ASB2: variants seen among roughly 807,000 people sequenced by gnomAD.
ASB2 encodes ankyrin repeat and SOCS box containing 2.
In ASB2, 58 loss-of-function variants were observed where a neutral mutation model predicts 62.4. The observed-to-expected ratio is 0.93, with a 90% confidence interval of 0.75 to 1.16. ASB2 has a LOEUF of 1.16. ASB2 is among the 50% of genes most tolerant of loss of function. The pLI, the probability that ASB2 is intolerant of heterozygous loss-of-function variation, is 0.00. For synonymous variants in ASB2, 386 were observed against 385.3 expected (o/e 1.00, Z -0.02); for missense variants, 928 against 887.9 (o/e 1.05, Z -0.57).
In ASB2 at chr14:93,954,411, C is replaced by T. The variant is rs1462350139; in HGVS notation, c.384G>A (p.Gly128=). Residue 128 remains glycine, a synonymous_variant, in exon 4 of 10, where the codon GGG becomes GGA. Transcript: ENST00000555019. ...CCTTGTTGGGCTCTGCGAGATTCTT[C>T]CCTTCCTTGATCATGGTCTTCAAGG... The part of the protein sequence containing the change: ...EEALKTMIKE[G]KNLAEPNKEG... The T allele has an allele frequency of 6.2e-7, 1 of 1,614,190 alleles. No individual in the cohort carries two copies. The highest frequency in any genetic ancestry group is 2.2e-5 in the East Asian group (1 of 44,886).
chr14:93,939,645 G>C lies in ASB2; in HGVS notation c.1080C>G (p.Thr360=). 1 of 1,513,942 alleles carries C rather than the reference G, an allele frequency of 6.6e-7. No homozygotes were observed. The highest frequency in any genetic ancestry group is 1.4e-5 in the African/African-American group (1 of 71,000). The allele number at this position is 1,513,942 out of a possible 1,614,324, so 93.8% of individuals were successfully genotyped here. The change falls in exon 8 of 10, where the codon ACC becomes ACG. Residue 360 remains threonine, a synonymous_variant. Coordinates refer to ENST00000555019, the MANE Select transcript of ASB2 (RefSeq NM_001202429.2). The part of the protein sequence containing the change: ...YRIVQMLLPV[T]SRTRIRRSGV... ...CGCTACGGCGTATGCGCGTGCGGCT[G>C]GTCACCGGCAGCAGCATCTGCACGA...
At chr14:93,939,970 C>T (rs537544789) in intron 7 of ASB2, 433 of 365,022 alleles carry the variant, frequency 1.2e-3, no homozygotes, top group Non-Finnish European at 1.6e-3. Flanking sequence ...AGACCCAGAA[C>T]CCTTGGCCTC....
In ASB2 at chr14:93,934,550, C is replaced by G; in HGVS notation, c.*106G>C. The G allele has an allele frequency of 1.7e-6, 2 of 1,202,470 alleles. No homozygotes were observed. The highest frequency in any genetic ancestry group is 2.4e-6 in the Non-Finnish European group (2 of 835,842). The allele number at this position is 1,202,470 out of a possible 1,614,324, so 74.5% of individuals were successfully genotyped here. ...CTGTCCAGGCTGAGAGGGAGGCAGCCTGCAGCCTCGTCTGTCACCAGGTCC... is the reference window on the plus strand; with the variant it reads ...CTGTCCAGGCTGAGAGGGAGGCAGCGTGCAGCCTCGTCTGTCACCAGGTCC... On this transcript the variant is annotated 3_prime_UTR_variant, in exon 10 of 10. Transcript: ENST00000555019.
Position 93,939,595 on chromosome 14 carries a change from G to A in ASB2, c.1130C>T (p.Ala377Val), listed in dbSNP as rs1329219379. 3 of 1,568,756 alleles carry A rather than the reference G, an allele frequency of 1.9e-6. No individual in the cohort carries two copies. Among genetic ancestry groups the A allele is most frequent in the East Asian group, 2.3e-5 (1 of 42,618 alleles). Residue 377 changes from alanine to valine, a missense_variant, in exon 8 of 10, where the codon GCC becomes GTC. Ala to Val is a moderately conservative substitution (Grantham distance 64, BLOSUM62 0). Transcript: ENST00000555019. ...RSGVSPLHLA[A>V]ERNHDEVLEA... ...CAGCACCTCGTCGTGGTTGCGCTCG[G>A]CCGCCAGGTGCAGCGGACTGACGCC...
At position 93,944,545 on chromosome 14, in the gene ASB2, C is replaced by T. The variant is rs74073598; in HGVS notation, c.1052+2804G>A. ...CCTATGGAATGTCACATCAAATCCC[C>T]GAGCAGAGGGCCTTTAATGCTGTAT... On this transcript the variant is annotated intron_variant, in intron 7 of 9. Transcript: ENST00000555019. Among the ~76,000 whole-genome samples, 499 of 152,306 alleles carry T rather than the reference C, an allele frequency of 3.3e-3. 2 individuals are homozygous for T. The highest frequency in any genetic ancestry group is 0.011 in the African/African-American group (470 of 41,566).
chr14:93,973,923 GCAGA>G (rs970653853), intron 1 of ASB2: 7 of 152,354 alleles, frequency 4.6e-5, no homozygotes, highest in Non-Finnish European at 8.8e-5. Flanking sequence ...TGTCCTTTGG[GCAGA>G]CAAAGACGGC....
At chr14:93,949,971 ACT>A in intron 6 of ASB2, among the ~76,000 whole-genome samples, 1 of 152,108 alleles carries the variant, frequency 6.6e-6, no homozygotes, top group Middle Eastern at 3.4e-3. Context: ...CGTGCTGCCG[ACT>A]CTCACAGGGT....
intron 7 of ASB2, among the ~76,000 whole-genome samples, chr14:93,945,515 C>T (rs923069959): frequency 1.3e-5 from 2 of 152,144 alleles, no homozygotes; most frequent in African/African-American, 4.8e-5. Flanking sequence ...ACTGGTCCTC[C>T]GACAACCCCA....
chr14:93,974,483 T>C (rs535245809), intron 1 of ASB2, among the ~76,000 whole-genome samples: 6 of 152,372 alleles, frequency 3.9e-5, no homozygotes, highest in African/African-American at 7.2e-5. Flanking sequence ...AGAGATATTT[T>C]TGTGCCTCCT....
Position 93,939,153 on chromosome 14 carries a change from C to G in ASB2, c.1572G>C (p.Arg524Ser), listed in dbSNP as rs540542265. The G allele has an allele frequency of 1.3e-6, 2 of 1,578,562 alleles. No homozygotes were observed. The highest frequency in any genetic ancestry group is 2.7e-5 in the African/African-American group (2 of 73,858). ...TGTCGGCCGCGGGCGCGTCGTTGAA[C>G]CTGCTGGAGGGCTGCGGGGCCGGCG... The part of the protein sequence containing the change: ...PHPPAPQPSS[R>S]FNDAPAADKE... Residue 524 changes from arginine (R) to serine (S), a missense_variant, in exon 8 of 10, where the codon AGG (arginine) becomes AGC (serine). Physicochemically the swap from Arg to Ser is moderately radical, Grantham distance 110. Coordinates refer to ENST00000555019, the MANE Select transcript of ASB2 (RefSeq NM_001202429.2).
intron 3 of ASB2, among the ~76,000 whole-genome samples, chr14:93,954,887 C>G (rs1223808624): frequency 6.6e-6 from 1 of 152,208 alleles, no homozygotes; most frequent in Non-Finnish European, 1.5e-5. Context: ...TCCAACTCCT[C>G]TCCTTGCCCT....
rs1889917404 is a variant in ASB2 at position 93,976,544 on chromosome 14, G to A, written c.-184C>T. 6.6e-6 allele frequency: 1 copy of A among 152,234 alleles called. No homozygotes were observed. The highest frequency in any genetic ancestry group is 1.5e-5 in the Non-Finnish European group (1 of 68,046). 9.4% of individuals were successfully genotyped at this position (152,234 alleles called of 1,614,324 possible). On this transcript the variant is annotated 5_prime_UTR_variant, in exon 1 of 10. Coordinates refer to ENST00000555019, the MANE Select transcript of ASB2 (RefSeq NM_001202429.2). Reference sequence around the variant, plus strand: ...AGTTTTCCTTCTGCCCTGGCCCCAAGCTTCTGGCTGCTCTGCCAGGCAGTT... The same window carrying A: ...AGTTTTCCTTCTGCCCTGGCCCCAAACTTCTGGCTGCTCTGCCAGGCAGTT...
chr14:93,963,348 T>A (rs1889474066), intron 2 of ASB2, among the ~76,000 whole-genome samples: 1 of 147,688 alleles, frequency 6.8e-6, no homozygotes, highest in Non-Finnish European at 1.5e-5. Context: ...TCACAGCAAT[T>A]CCCATGCCCT....
rs771189408 is a variant in ASB2 at position 93,956,835 on chromosome 14, G to A, written c.242C>T (p.Ala81Val). Residue 81 changes from alanine (A) to valine (V), a missense_variant, in exon 3 of 10, where the codon GCC (alanine) becomes GTC (valine). Coordinates refer to ENST00000555019, the MANE Select transcript of ASB2 (RefSeq NM_001202429.2). ...TAPPESSPAR[A>V]PMGLFQGVMQ... is the part of the protein sequence containing the mutation. ...GACCCCTTGGAACAAGCCCATTGGG[G>A]CCCGGGCCGGCGAACTCTCAGGAGG... 15 of 1,614,102 alleles carry A rather than the reference G, an allele frequency of 9.3e-6. No homozygotes were observed. Among genetic ancestry groups the A allele is most frequent in the Middle Eastern group, 1.6e-4 (1 of 6,084 alleles).
rs528516317 is a variant in ASB2 at position 93,955,728 on chromosome 14, C to T, written c.311+1038G>A. On this transcript the variant is annotated intron_variant, in intron 3 of 9. Transcript: ENST00000555019. ...CCCTGGAGCCCTCAGCCCACATATT[C>T]ACAGCTTCTCCATGACCTCAGGCAA... is the stretch of plus-strand genomic sequence containing the variant. The T allele has an allele frequency of 9.6e-4, 149 of 154,738 alleles. 2 individuals carry two copies. Among genetic ancestry groups the T allele is most frequent in the Admixed American group, 8.9e-4 (14 of 15,736 alleles). 9.6% of individuals were successfully genotyped at this position (154,738 alleles called of 1,614,324 possible). A position where few individuals can be genotyped will look rare whatever the true frequency, so the allele number is the denominator to read the frequency against.
intron 2 of ASB2, chr14:93,957,136 C>T (rs1889254079): frequency 3.0e-6 from 4 of 1,354,798 alleles, no homozygotes; most frequent in Non-Finnish European, 2.8e-6. Context: ...TCACCCCACC[C>T]CCCGGTCCCC....
chr14:93,936,129 C>T (rs959886316), intron 9 of ASB2, among the ~76,000 whole-genome samples: 1 of 152,180 alleles, frequency 6.6e-6, no homozygotes, highest in African/African-American at 2.4e-5. Flanking sequence ...GAGCAGAGGA[C>T]ACGGAACCAT....
At chr14:93,943,961 G>T (rs1888628067) in intron 7 of ASB2, 1 of 455,964 alleles carries the variant, frequency 2.2e-6, no homozygotes, top group Non-Finnish European at 4.4e-6. Flanking sequence ...TAAAAGAGAA[G>T]GAATATTTAA....
chr14:93,946,754 G>A (rs1308561823), intron 7 of ASB2, among the ~76,000 whole-genome samples: 2 of 152,224 alleles, frequency 1.3e-5, no homozygotes, highest in Non-Finnish European at 2.9e-5. Flanking sequence ...CTCACTCAGA[G>A]TATCTAGCAC....
Sources: gnomAD v4.1 joint callset for allele counts (sites outside exome capture counted in the v4.1 genomes callset) on GRCh38, gnomAD v4.1.1 for gene constraint, MANE v1.5 for transcripts, NCBI Gene and HGNC (gene_info 2026-07-23, HGNC 2026-07-21) for gene names.